The following SHTN1 variants were observed in gnomAD, a reference collection of about 807,000 sequenced individuals.
SHTN1 encodes shootin 1, also known as shootin-1.
SHTN1 carries 42 observed loss-of-function variants against 83.1 expected under a neutral mutation model. The observed-to-expected ratio is 0.51, with a 90% CI of 0.39 to 0.65. The LOEUF is 0.65. Ranked by LOEUF, SHTN1 falls within the 30% of genes least tolerant of loss-of-function variation. SHTN1 has a pLI of 0.00. For synonymous variants in SHTN1, 224 were observed against 247.7 expected (o/e 0.90, Z 0.90); for missense variants, 622 against 737.8 (o/e 0.84, Z 1.82).
intron 10 of SHTN1, 64 bp from the exon 11 acceptor site, chr10:116,927,955 T>C (rs1261580526): frequency 4.5e-6 from 7 of 1,555,162 alleles, no homozygotes; most frequent in African/African-American, 2.8e-5. Context: ...TTTATACATG[T>C]GAAAAAAAGA....
At chr10:117,104,625 T>A (rs541235464) in intron 1 of SHTN1, among the ~76,000 whole-genome samples, 33 of 152,000 alleles carry the variant, frequency 2.2e-4, no homozygotes, top group Admixed American at 4.6e-4. Context: ...GTACAAAAAA[T>A]TGGACGGGCG....
chr10:117,079,148 T>C (rs1589922877), intron 1 of SHTN1, among the ~76,000 whole-genome samples: 1 of 151,034 alleles, frequency 6.6e-6, no homozygotes, highest in South Asian at 2.1e-4. Context: ...ACTCGTCATC[T>C]AGCATCAGGT....
chr10:117,055,894 A>G (rs1032684509), intron 1 of SHTN1, among the ~76,000 whole-genome samples: 2 of 152,182 alleles, frequency 1.3e-5, no homozygotes, highest in Non-Finnish European at 2.9e-5. Context: ...TAATGGTTAA[A>G]AGGGTAAATT....
chr10:117,084,822 T>C (rs1177263913), intron 1 of SHTN1, among the ~76,000 whole-genome samples: 1 of 152,156 alleles, frequency 6.6e-6, no homozygotes, highest in East Asian at 1.9e-4. Flanking sequence ...GTCACCCCTT[T>C]CTTTGATTAG....
chr10:116,963,044 T>TAGCTA (rs1850245172), intron 3 of SHTN1, among the ~76,000 whole-genome samples: 1 of 6,334 alleles, frequency 1.6e-4, no homozygotes, highest in South Asian at 5.4e-3. Context: ...AGTTTTTTTT[T>TAGCTA]TTTTTTTTTT....
Position 116,895,618 on chromosome 10 carries a change from T to A in SHTN1, c.1673+6147A>T, listed in dbSNP as rs906127561. On this transcript the variant is annotated intron_variant, in intron 16 of 16. Transcript: ENST00000355371. The stretch of plus-strand genomic sequence containing the variant: ...GGAACAGGATGTGAGTATCTTAGGG[T>A]CAATGAAGCAACTTAACTGCAGAAT... Among the ~76,000 whole-genome samples the A allele has an allele frequency of 2.6e-5, 4 of 152,156 alleles. No homozygotes were observed. The South Asian group carries it at 8.3e-4, about 32-fold the overall frequency.
At chr10:117,019,019 G>T (rs1199597741) in intron 2 of SHTN1, among the ~76,000 whole-genome samples, 2 of 151,744 alleles carry the variant, frequency 1.3e-5, no homozygotes, top group Non-Finnish European at 2.9e-5. Flanking sequence ...AAAACTACAG[G>T]AATTTTCAAA....
chr10:117,057,168 A>T lies in SHTN1; in HGVS notation c.-188-8658T>A, dbSNP rs1852835895. 2.0e-5 allele frequency among the ~76,000 whole-genome samples: 3 copies of T among 152,326 alleles called. No homozygotes were observed. The South Asian group carries it at 6.2e-4, about 32-fold the overall frequency. ...CTAGAACTAATAAATGGGTTCAGCA[A>T]TGTAGCAGGAAAACAAGATCAACTC... On this transcript the variant is annotated intron_variant, in intron 1 of 17. Coordinates refer to the SHTN1 transcript ENST00000392901.
At chr10:116,951,416 T>C (rs2133420818) in intron 6 of SHTN1, among the ~76,000 whole-genome samples, 1 of 152,200 alleles carries the variant, frequency 6.6e-6, no homozygotes, top group Non-Finnish European at 1.5e-5. Context: ...CAGAGTTAGG[T>C]CTTGTCTCAA....
Position 116,915,465 on chromosome 10 carries a change from T to C in SHTN1, c.1215A>G (p.Leu405=), listed in dbSNP as rs1848351787. 6 of 1,603,624 alleles carry C rather than the reference T, an allele frequency of 3.7e-6. No individual in the cohort carries two copies. In the South Asian group the frequency reaches 6.6e-5, roughly 18 times the overall value. ...TCATCTCTTCAACTGCTTGCCTCTTTAGATCTGTGACTTCTTCAGCTGTTC... is the reference window on the plus strand; with the variant it reads ...TCATCTCTTCAACTGCTTGCCTCTTCAGATCTGTGACTTCTTCAGCTGTTC... The part of the protein sequence containing the change: ...QPETTEEVTD[L]KRQAVEEMMD... The change falls in exon 13 of 17, where the codon CTA becomes CTG. Residue 405 remains leucine, a synonymous_variant. Transcript: ENST00000355371.
chr10:117,037,206 G>T (rs1380630352), intron 2 of SHTN1, among the ~76,000 whole-genome samples: 2 of 152,168 alleles, frequency 1.3e-5, no homozygotes, highest in African/African-American at 4.8e-5. Flanking sequence ...GGGAGGCTGA[G>T]ATGGGAGGAT....
chr10:116,917,992 GAACTTCTA>G (rs1166152579), intron 12 of SHTN1, among the ~76,000 whole-genome samples: 7 of 152,210 alleles, frequency 4.6e-5, no homozygotes, highest in African/African-American at 1.4e-4. Flanking sequence ...CAATCTATAC[GAACTTCTA>G]AACTATTAAG....
chr10:117,123,400 C>A (rs1853959009), intron 1 of SHTN1, among the ~76,000 whole-genome samples: 1 of 152,148 alleles, frequency 6.6e-6, no homozygotes, highest in African/African-American at 2.4e-5. Context: ...TTTGATGCCA[C>A]TTAAATTTGG....
chr10:117,098,980 A>T (rs557097173), intron 1 of SHTN1, among the ~76,000 whole-genome samples: 2 of 24,882 alleles, frequency 8.0e-5, no homozygotes, highest in East Asian at 2.8e-3. Flanking sequence ...TCAAAAGTAT[A>T]ATGTTCCACA....
rs761842417 is a variant in SHTN1, at chr10:116,940,595, G to T, written c.729C>A (p.Asn243Lys). The T allele has an allele frequency of 6.2e-7, 1 of 1,607,044 alleles. No individual in the cohort carries two copies. Among genetic ancestry groups the T allele is most frequent in the South Asian group, 1.1e-5 (1 of 89,996 alleles). The change falls in exon 9 of 17, where the codon AAC (asparagine) becomes AAA (lysine). Residue 243 changes from asparagine to lysine, a missense_variant. Coordinates refer to ENST00000355371, the MANE Select transcript of SHTN1 (RefSeq NM_001127211.3). ...SFAQEMFIEQ[N>K]KLKRQSHLLL... ...GAAGGTGGCTTTGTCTCTTTAGCTT[G>T]TTTTGCTCAATGAACATCTGCAAAA... is the stretch of plus-strand genomic sequence containing the variant.
chr10:117,021,413 A>C (rs1395111829), intron 2 of SHTN1, among the ~76,000 whole-genome samples: 2 of 152,144 alleles, frequency 1.3e-5, no homozygotes, highest in East Asian at 3.9e-4. Flanking sequence ...CGAAATTATA[A>C]AGACTGACAA....
chr10:117,103,727 G>GAGATA (rs1276329301), intron 1 of SHTN1, among the ~76,000 whole-genome samples: 1 of 148,782 alleles, frequency 6.7e-6, no homozygotes, highest in Non-Finnish European at 1.5e-5. Flanking sequence ...TAGTAGAGAT[G>GAGATA]GGGTTTCACT....
At chr10:117,045,000 A>G (rs1427842916) in intron 2 of SHTN1, among the ~76,000 whole-genome samples, 2 of 152,224 alleles carry the variant, frequency 1.3e-5, no homozygotes, top group African/African-American at 4.8e-5. Context: ...CAAGCAATTA[A>G]TATTTTAATT....
chr10:117,115,483 G>A (rs1425225093), intron 1 of SHTN1, among the ~76,000 whole-genome samples: 1 of 152,202 alleles, frequency 6.6e-6, no homozygotes, highest in Non-Finnish European at 1.5e-5. Flanking sequence ...CACTTCAGGT[G>A]TTCCATAAAT....
Sources: gnomAD v4.1 joint callset for allele counts (sites outside exome capture counted in the v4.1 genomes callset) on GRCh38, gnomAD v4.1.1 for gene constraint, MANE v1.5 for transcripts, NCBI Gene and HGNC (gene_info 2026-07-23, HGNC 2026-07-21) for gene names.